Variants in VPS39 observed in about 807,000 individuals in gnomAD.
The protein encoded by VPS39 is VPS39 subunit of HOPS complex, also known as vam6/Vps39-like protein.
VPS39 carries 70 observed loss-of-function variants against 121.0 expected under a neutral mutation model. That is an observed-to-expected ratio of 0.58 (90% CI 0.48 to 0.71). The LOEUF is 0.71. VPS39 is among the 30% of genes least tolerant of loss of function. The pLI, the probability that VPS39 is intolerant of heterozygous loss-of-function variation, is 0.00. For missense variants in VPS39, 818 were observed against 1,051.5 expected (o/e 0.78, Z 3.07); for synonymous variants, 378 against 398.1 (o/e 0.95, Z 0.60).
At chr15:42,195,774 C>G (rs2049923927) in intron 2 of VPS39, among the ~76,000 whole-genome samples, 1 of 152,162 alleles carries the variant, frequency 6.6e-6, no homozygotes, top group Non-Finnish European at 1.5e-5. Context: ...CAATGCCATC[C>G]TCATCAAGCT....
At position 42,167,438 on chromosome 15, in the gene VPS39, G is replaced by T. The variant is rs1555397826; in HGVS notation, c.1333C>A (p.Leu445Met). 26 of 1,614,170 alleles carry T rather than the reference G, an allele frequency of 1.6e-5. No individual in the cohort carries two copies. Among genetic ancestry groups the T allele is most frequent in the Non-Finnish European group, 2.1e-5 (25 of 1,180,040 alleles). Residue 445 changes from leucine to methionine, a missense_variant, in exon 13 of 25, where the codon CTG becomes ATG. Coordinates refer to ENST00000318006, the MANE Select transcript of VPS39 (RefSeq NM_015289.5). ...GTPTIKSKKK[L>M]LQIIDTTLLK... ...AGGGTGGTGTCGATGATTTGTAGCAGCTTCTTCTTGGATTTGATGGTGGGA... is the reference window on the plus strand; with the variant it reads ...AGGGTGGTGTCGATGATTTGTAGCATCTTCTTCTTGGATTTGATGGTGGGA...
In VPS39 at chr15:42,160,362, G is replaced by A; in HGVS notation, c.*392C>T. 4.5e-6 allele frequency: 1 copy of A among 224,716 alleles called. No homozygotes were observed. Among genetic ancestry groups the A allele is most frequent in the Non-Finnish European group, 9.1e-6 (1 of 109,580 alleles). The allele number at this position is 224,716 out of a possible 1,614,324, so 13.9% of individuals were successfully genotyped here. On this transcript the variant is annotated 3_prime_UTR_variant, in exon 25 of 25. Coordinates refer to ENST00000318006, the MANE Select transcript of VPS39 (RefSeq NM_015289.5). ...ATGGAACTCTCCAGTGAGCCATGCTGAGCGGTCCTTGTGAAGTCATGTACT... is the reference window on the plus strand; with the variant it reads ...ATGGAACTCTCCAGTGAGCCATGCTAAGCGGTCCTTGTGAAGTCATGTACT...
chr15:42,166,986 C>A, intron 13 of VPS39, 73 bp from the exon 14 acceptor site: 1 of 1,592,942 alleles, frequency 6.3e-7, no homozygotes. Flanking sequence ...CAGGCCTGCT[C>A]TAGGCTGAAA....
intron 10 of VPS39, among the ~76,000 whole-genome samples, chr15:42,177,618 A>G (rs2049482083): frequency 6.6e-6 from 1 of 152,068 alleles, no homozygotes; most frequent in South Asian, 2.1e-4. Context: ...CATTATCTTT[A>G]ATTTTTCATG....
At chr15:42,166,429 G>T in intron 15 of VPS39, 134 bp downstream of exon 15, 1 of 1,191,916 alleles carries the variant, frequency 8.4e-7, no homozygotes, top group Non-Finnish European at 1.2e-6. Flanking sequence ...GGACTTTTAT[G>T]CCATTTGGAG....
intron 2 of VPS39, among the ~76,000 whole-genome samples, chr15:42,197,271 C>T (rs1333171150): frequency 6.9e-6 from 1 of 145,958 alleles, no homozygotes; most frequent in Non-Finnish European, 1.5e-5. Flanking sequence ...CACATGTATA[C>T]ATATGTAACA....
intron 13 of VPS39, among the ~76,000 whole-genome samples, 188 bp from the exon 14 acceptor site, chr15:42,167,101 G>A (rs563860733): frequency 6.6e-6 from 1 of 152,340 alleles, no homozygotes; most frequent in African/African-American, 2.4e-5. Context: ...GTGTTTTAAT[G>A]TTCTGTGGGG....
intron 10 of VPS39, among the ~76,000 whole-genome samples, chr15:42,177,747 A>G (rs1262654943): frequency 6.6e-6 from 1 of 151,814 alleles, no homozygotes; most frequent in East Asian, 1.9e-4. Flanking sequence ...GCTCACCGCA[A>G]CCTCTACCTC....
chr15:42,181,885 T>C (rs1446244827), intron 8 of VPS39, among the ~76,000 whole-genome samples: 2 of 152,168 alleles, frequency 1.3e-5, no homozygotes, highest in Non-Finnish European at 2.9e-5. Flanking sequence ...ATTTCTTAAA[T>C]GTATTTTTTG....
chr15:42,170,013 T>A, intron 11 of VPS39, 147 bp from the exon 12 acceptor site: 1 of 955,868 alleles, frequency 1.0e-6, no homozygotes, highest in Non-Finnish European at 1.4e-6. Flanking sequence ...TTCAACGAGC[T>A]GTAGACTTAT....
At chr15:42,173,905 A>G in intron 10 of VPS39, 53 bp from the exon 11 acceptor site, 6 of 1,601,862 alleles carry the variant, frequency 3.7e-6, no homozygotes, top group South Asian at 1.1e-5. Flanking sequence ...AATATTGTTC[A>G]GTATGTTCTT....
intron 1 of VPS39, among the ~76,000 whole-genome samples, chr15:42,203,190 G>A (rs186165368): frequency 4.8e-4 from 73 of 152,162 alleles, no homozygotes; most frequent in African/African-American, 1.6e-3. Context: ...AAATTAGGCC[G>A]AGTGTGGTTG....
chr15:42,161,512 C>G, intron 24 of VPS39, 170 bp downstream of exon 24: 1 of 773,484 alleles, frequency 1.3e-6, no homozygotes, highest in Non-Finnish European at 2.3e-6. Flanking sequence ...AGCCCACTCC[C>G]AACAGATAGA....
chr15:42,170,385 T>A (rs2049323823), intron 11 of VPS39, among the ~76,000 whole-genome samples: 1 of 152,146 alleles, frequency 6.6e-6, no homozygotes, highest in Non-Finnish European at 1.5e-5. Flanking sequence ...TGTGCCTGTA[T>A]CCAGCTACTT....
intron 24 of VPS39, 110 bp downstream of exon 24, chr15:42,161,569 CCAG>C (rs2049126460): frequency 2.7e-6 from 3 of 1,095,572 alleles, no homozygotes; most frequent in Non-Finnish European, 4.2e-6. Context: ...GTCAGGACAG[CCAG>C]CAGCCATGTT....
chr15:42,206,272 T>TA (rs1170578011), intron 1 of VPS39, among the ~76,000 whole-genome samples: 1 of 152,122 alleles, frequency 6.6e-6, no homozygotes, highest in African/African-American at 2.4e-5. Context: ...ACAATGTAGT[T>TA]AAAAAGGGGT....
rs2049111625 is a variant in VPS39, at chr15:42,160,749, T to G, written c.*5A>C. On this transcript the variant is annotated 3_prime_UTR_variant, in exon 25 of 25. Coordinates refer to ENST00000318006, the MANE Select transcript of VPS39 (RefSeq NM_015289.5). ...TCCATCCGCTGGATCCCCAGGATGC[T>G]GGGCTCAAGTGTCAGCTGGGTTTAC... 2 of 1,613,752 alleles carry G rather than the reference T, an allele frequency of 1.2e-6. No individual in the cohort carries two copies. The highest frequency in any genetic ancestry group is 1.7e-5 in the Admixed American group (1 of 60,008).
chr15:42,201,341 A>G (rs1176892085), intron 1 of VPS39, among the ~76,000 whole-genome samples: 1 of 152,050 alleles, frequency 6.6e-6, no homozygotes, highest in Non-Finnish European at 1.5e-5. Flanking sequence ...ACGTTCAGCT[A>G]TTTTTTAAAA....
intron 11 of VPS39, among the ~76,000 whole-genome samples, chr15:42,172,036 G>A (rs112141996): frequency 2.0e-5 from 3 of 152,118 alleles, no homozygotes; most frequent in South Asian, 2.1e-4. Context: ...GACAAGTAGC[G>A]TGGTACACAC....
Sources: gnomAD v4.1 joint callset for allele counts (sites outside exome capture counted in the v4.1 genomes callset) on GRCh38, gnomAD v4.1.1 for gene constraint, MANE v1.5 for transcripts, NCBI Gene and HGNC (gene_info 2026-07-23, HGNC 2026-07-21) for gene names.